The following DOCK9 variants were observed in gnomAD, a reference collection of about 807,000 sequenced individuals.
DOCK9 encodes the protein dedicator of cytokinesis 9.
In DOCK9, 89 loss-of-function variants were observed where a neutral mutation model predicts 263.3. The ratio of observed to expected loss-of-function variants is 0.34; its 90% confidence interval spans 0.28 to 0.40. DOCK9 has a LOEUF of 0.40. DOCK9 is among the 10% of genes least tolerant of loss of function. The pLI is 1.00. For missense variants in DOCK9, 2,140 were observed against 2,603.4 expected (o/e 0.82, Z 3.87); for synonymous variants, 976 against 973.1 (o/e 1.00, Z -0.06).
At chr13:99,001,747 G>A (rs1473544740) in intron 1 of DOCK9, among the ~76,000 whole-genome samples, 1 of 152,246 alleles carries the variant, frequency 6.6e-6, no homozygotes, top group African/African-American at 2.4e-5. Flanking sequence ...CATGAGGCAG[G>A]AGCAGGCTGG....
chr13:98,969,976 T>C (rs2059573443), intron 1 of DOCK9, among the ~76,000 whole-genome samples: 1 of 152,206 alleles, frequency 6.6e-6, no homozygotes, highest in South Asian at 2.1e-4. Context: ...AATTAACAAC[T>C]ATATCTGTTG....
upstream of DOCK9, among the ~76,000 whole-genome samples, chr13:98,978,248 A>G (rs1875821146): frequency 6.6e-6 from 1 of 152,256 alleles, no homozygotes; most frequent in African/African-American, 2.4e-5. Flanking sequence ...GGGCCAAATC[A>G]ATCGGAATCA....
intron 32 of DOCK9, among the ~76,000 whole-genome samples, chr13:98,862,555 G>C (rs2093904801): frequency 6.6e-6 from 1 of 152,122 alleles, no homozygotes; most frequent in Non-Finnish European, 1.5e-5. Context: ...CGGATGTGGT[G>C]GTGGGTACCT....
rs11392986 is a variant in DOCK9, at chr13:99,051,855, C to CAAAAA, written c.129+34363_129+34367dup. Among the ~76,000 whole-genome samples the CAAAAA allele has an allele frequency of 1.8e-3, 189 of 106,028 alleles. 9 individuals are homozygous for CAAAAA. The South Asian group carries it at 0.037, about 21-fold the overall frequency. 69.6% of individuals were successfully genotyped at this position (106,028 alleles called of 152,430 possible). A position where few individuals can be genotyped will look rare whatever the true frequency, so the allele number is the denominator to read the frequency against. ...GCTAAAGAACATGTTCCACTAGTGGCAAAAAAAAAAAAAAAAAAAAAATCA... is the reference window on the plus strand; with the variant it reads ...GCTAAAGAACATGTTCCACTAGTGGCAAAAAAAAAAAAAAAAAAAAAAAAAAATCA... On this transcript the variant is annotated intron_variant, in intron 1 of 32. Coordinates refer to the DOCK9 transcript ENST00000427887.
intron 38 of DOCK9, among the ~76,000 whole-genome samples, chr13:98,844,816 A>G (rs1471277871): frequency 1.3e-5 from 2 of 152,234 alleles, no homozygotes; most frequent in African/African-American, 2.4e-5. Context: ...TGCATTGGGA[A>G]CACTGCCTTT....
intron 9 of DOCK9, among the ~76,000 whole-genome samples, chr13:98,912,845 A>G (rs891577346): frequency 6.6e-6 from 1 of 152,204 alleles, no homozygotes; most frequent in African/African-American, 2.4e-5. Context: ...AGATGGCATC[A>G]CATATATTAC....
In DOCK9 at chr13:98,925,930, G is replaced by T; in HGVS notation, c.334-11C>A. Reference sequence around the variant, plus strand: ...ATAGGTTTTGATGCACTATTGAAGGGGGATTTTAAAAATAGAAAATAAAAA... The same window carrying T: ...ATAGGTTTTGATGCACTATTGAAGGTGGATTTTAAAAATAGAAAATAAAAA... On this transcript the variant is annotated splice_polypyrimidine_tract_variant and intron_variant, in intron 3 of 52. Coordinates refer to ENST00000682017, the MANE Select transcript of DOCK9 (RefSeq NM_001366683.2). 1 of 1,537,466 alleles carries T rather than the reference G, an allele frequency of 6.5e-7. No homozygotes were observed. The highest frequency in any genetic ancestry group is 1.2e-5 in the South Asian group (1 of 80,380).
chr13:99,018,011 C>G (rs1466046497), intron 1 of DOCK9, among the ~76,000 whole-genome samples: 1 of 151,962 alleles, frequency 6.6e-6, no homozygotes, highest in Non-Finnish European at 1.5e-5. Flanking sequence ...CCAATCATAT[C>G]TCAATAAAGC....
chr13:99,036,955 T>G (rs549331808), intron 1 of DOCK9, among the ~76,000 whole-genome samples: 1 of 152,310 alleles, frequency 6.6e-6, no homozygotes, highest in South Asian at 2.1e-4. Flanking sequence ...GTGCCAAGCA[T>G]AGTATAGGCT....
chr13:99,054,304 T>C (rs1001477985), intron 1 of DOCK9, among the ~76,000 whole-genome samples: 16 of 152,160 alleles, frequency 1.1e-4, no homozygotes, highest in Non-Finnish European at 2.1e-4. Flanking sequence ...ATGGGGTAAT[T>C]TGTGGCCTCG....
At chr13:99,015,415 A>G (rs1242264130) in intron 1 of DOCK9, 1 of 1,533,596 alleles carries the variant, frequency 6.5e-7, no homozygotes, top group African/African-American at 1.4e-5. Flanking sequence ...ACACCATTAA[A>G]CTACTTGTTA....
At chr13:99,017,528 G>A (rs542900604) in intron 1 of DOCK9, among the ~76,000 whole-genome samples, 10 of 152,236 alleles carry the variant, frequency 6.6e-5, no homozygotes, top group South Asian at 2.1e-4. Flanking sequence ...AAAAGATTAC[G>A]TTTGAACTTT....
chr13:98,903,180 C>A, intron 10 of DOCK9, 68 bp from the exon 11 acceptor site: 1 of 1,224,712 alleles, frequency 8.2e-7, no homozygotes, highest in African/African-American at 1.6e-5. Flanking sequence ...ATAAATGCAT[C>A]CAAAGGAAAC....
chr13:99,041,622 T>C (rs1888469923), intron 1 of DOCK9, among the ~76,000 whole-genome samples: 1 of 152,210 alleles, frequency 6.6e-6, no homozygotes, highest in Non-Finnish European at 1.5e-5. Flanking sequence ...ATGGAGACTG[T>C]GGTAGGTTAG....
At chr13:98,978,140 C>T, upstream of DOCK9, 1 of 1,361,940 alleles carries the variant, frequency 7.3e-7, no homozygotes, top group Non-Finnish European at 9.4e-7. Flanking sequence ...GAGGCTCCTA[C>T]TTGCTGGCCA....
At chr13:99,075,439 A>G (rs1021413283) in intron 1 of DOCK9, among the ~76,000 whole-genome samples, 3 of 148,382 alleles carry the variant, frequency 2.0e-5, no homozygotes, top group Non-Finnish European at 4.4e-5. Flanking sequence ...TGCAGCCATG[A>G]CTTCCTGGAC....
In DOCK9 at chr13:98,865,171, A is replaced by T. The variant is rs190558845; in HGVS notation, c.3287-1623T>A. Reference sequence around the variant, plus strand: ...AATCTCTGCCTCCTGGGCTTAAGTCATCCTCCCACCTCAGCCTCCCATGTA... The same window carrying T: ...AATCTCTGCCTCCTGGGCTTAAGTCTTCCTCCCACCTCAGCCTCCCATGTA... On this transcript the variant is annotated intron_variant, in intron 30 of 52. Coordinates refer to ENST00000682017, the MANE Select transcript of DOCK9 (RefSeq NM_001366683.2). Among the ~76,000 whole-genome samples, 7 of 152,238 alleles carry T rather than the reference A, an allele frequency of 4.6e-5. No individual in the cohort carries two copies. The East Asian group carries it at 1.4e-3, about 29-fold the overall frequency.
chr13:98,938,268 A>C (rs2055234035), intron 2 of DOCK9, among the ~76,000 whole-genome samples: 1 of 152,220 alleles, frequency 6.6e-6, no homozygotes, highest in African/African-American at 2.4e-5. Context: ...ATGATATTGG[A>C]AAGAGATTTG....
At chr13:98,873,873 C>T (rs553404225) in intron 27 of DOCK9, among the ~76,000 whole-genome samples, 4 of 152,338 alleles carry the variant, frequency 2.6e-5, no homozygotes, top group South Asian at 4.1e-4. Flanking sequence ...GCTAACCTTG[C>T]ACCTTCCCTG....
Sources: allele counts gnomAD v4.1 joint callset (sites outside exome capture counted in the v4.1 genomes callset), GRCh38; gene constraint gnomAD v4.1.1; transcripts MANE v1.5; gene names NCBI Gene and HGNC (gene_info 2026-07-23, HGNC 2026-07-21).